Variants in ASPSCR1 observed in about 807,000 individuals in gnomAD.
ASPSCR1 encodes the protein ASPSCR1 tether for SLC2A4, UBX domain containing.
In ASPSCR1, 55 loss-of-function variants were observed where a neutral mutation model predicts 68.9. The observed-to-expected ratio is 0.80, with a 90% CI of 0.64 to 1.00. The LOEUF is 1.00. ASPSCR1 is among the 50% of genes least tolerant of loss of function. ASPSCR1 has a pLI of 0.00. For synonymous variants in ASPSCR1, 352 were observed against 332.6 expected, an observed-to-expected ratio of 1.06 and a Z score of -0.63; for missense variants, 765 against 762.2, an observed-to-expected ratio of 1.00 and a Z score of -0.04.
chr17:81,988,139 ACT>A (rs2042053911), intron 4 of ASPSCR1, among the ~76,000 whole-genome samples: 2 of 141,452 alleles, frequency 1.4e-5, no homozygotes, highest in South Asian at 4.5e-4. Context: ...ACAGAGCGAG[ACT>A]CTGTCTCAAA....
chr17:81,990,353 G>C lies in ASPSCR1; in HGVS notation c.375-4468G>C, dbSNP rs2042120996. Among the ~76,000 whole-genome samples the C allele has an allele frequency of 6.6e-6, 1 of 152,232 alleles. No individual in the cohort carries two copies. Among genetic ancestry groups the C allele is most frequent in the Non-Finnish European group, 1.5e-5 (1 of 68,048 alleles). ...GCTGCAGGGAGGGCGTCAGGAGACA[G>C]AGGCTGCACACTGCTGGCTTCGAGC... On this transcript the variant is annotated intron_variant, in intron 4 of 15. Transcript: ENST00000306739. This position sits in a 1 kb window ranked among gnomAD's most constrained non-coding sequence, Gnocchi z 4.1.
chr17:81,985,343 A>G (rs1179125500), intron 3 of ASPSCR1, among the ~76,000 whole-genome samples, 164 bp from the exon 4 acceptor site: 3 of 152,096 alleles, frequency 2.0e-5, no homozygotes, highest in African/African-American at 7.2e-5. Context: ...CAAGGCCCTC[A>G]CTCCAGAGTG....
At chr17:82,008,815 G>T in intron 7 of ASPSCR1, 1 of 506,982 alleles carries the variant, frequency 2.0e-6, no homozygotes, top group East Asian at 3.5e-5. Flanking sequence ...GGGAGAGGGG[G>T]GTCTCCAGCC....
At chr17:81,985,151 C>G (rs1165099124) in intron 3 of ASPSCR1, among the ~76,000 whole-genome samples, 1 of 149,022 alleles carries the variant, frequency 6.7e-6, no homozygotes, top group Non-Finnish European at 1.5e-5. Context: ...CATCTGCACG[C>G]ACATGCGCAC....
intron 7 of ASPSCR1, among the ~76,000 whole-genome samples, chr17:82,003,859 G>A (rs915425143): frequency 3.3e-5 from 5 of 152,242 alleles, no homozygotes; most frequent in South Asian, 4.1e-4. Flanking sequence ...TGGCCGGGGC[G>A]CTGAGTAACT....
At chr17:81,978,827 C>T (rs933229710) in intron 1 of ASPSCR1, 3 of 340,948 alleles carry the variant, frequency 8.8e-6, no homozygotes, top group Non-Finnish European at 1.7e-5. Flanking sequence ...GTGCCAGAGC[C>T]AGGGGGTAGC....
rs752796536 is a variant in ASPSCR1, at chr17:81,996,655, G to T, written c.742G>T (p.Gly248Trp). 2.8e-5 allele frequency: 45 copies of T among 1,612,774 alleles called. No individual in the cohort carries two copies. In the African/African-American group the frequency reaches 4.9e-4, roughly 18 times the overall value. The change falls in exon 7 of 16, where the codon GGG (glycine) becomes TGG (tryptophan). Residue 248 changes from glycine (G) to tryptophan (W), a missense_variant. Physicochemically the swap from Gly to Trp is radical, Grantham distance 184 (BLOSUM62 -2). Transcript: ENST00000306739. ...TGCCCCCTTTGTTCCTTTCTCGGGT[G>T]GGGGACAGAGACTGGGGGGCCCTCC... ...AAAPFVPFSG[G>W]GQRLGGPPGP...
chr17:82,016,780 G>A lies in ASPSCR1; in HGVS notation c.1406-20G>A, dbSNP rs141323909. 57 of 1,605,778 alleles carry A rather than the reference G, an allele frequency of 3.5e-5. No individual in the cohort carries two copies. The East Asian group carries it at 1.2e-3, about 35-fold the overall frequency. ...GGACCCCTCCTCAGAGGCTCAGGGT[G>A]AGCTTGGGCCTCCCTGCAGGTGTCT... On this transcript the variant is annotated intron_variant, in intron 13 of 15. Transcript: ENST00000306739.
At chr17:81,996,372 G>C in intron 6 of ASPSCR1, 48 bp from the exon 7 acceptor site, 1 of 1,531,486 alleles carries the variant, frequency 6.5e-7, no homozygotes, top group Non-Finnish European at 8.8e-7. Context: ...AGGGTGAGCC[G>C]GGGGTAGGCA....
intron 13 of ASPSCR1, 49 bp downstream of exon 13, chr17:82,016,576 C>T (rs1022422617): frequency 1.3e-6 from 2 of 1,548,084 alleles, no homozygotes; most frequent in Non-Finnish European, 1.7e-6. Context: ...CAGCCTGTCC[C>T]TGGACCTCAG....
At position 82,015,226 on chromosome 17, in the gene ASPSCR1, G is replaced by A. The variant is rs374873070; in HGVS notation, c.1354-1250G>A. ...CTTTTTTGGGGTCCATCCAGAGGCC[G>A]AGCCTCTCCAAGCACTGGTCAGCCT... is the stretch of plus-strand genomic sequence containing the variant. On this transcript the variant is annotated intron_variant, in intron 12 of 15. Transcript: ENST00000306739. 4.2e-5 allele frequency: 67 copies of A among 1,598,166 alleles called. No homozygotes were observed. In the Middle Eastern group the frequency reaches 8.2e-4, roughly 20 times the overall value.
In ASPSCR1 at chr17:82,010,300, T is replaced by A. The variant is rs560584716; in HGVS notation, c.1171-502T>A. On this transcript the variant is annotated intron_variant, in intron 9 of 15. Transcript: ENST00000306739. ...ATCCCAGCACTTTGGGAGGCCAAGG[T>A]GGGCGGATCATGAGGTCAGGAGATC... Among the ~76,000 whole-genome samples the A allele has an allele frequency of 3.3e-5, 5 of 150,078 alleles. No homozygotes were observed. The South Asian group carries it at 1.1e-3, about 32-fold the overall frequency.
In ASPSCR1 at chr17:81,977,778, A is replaced by AGGCG; in HGVS notation, c.102+37_102+40dup. ...GGCCGCCCGCCCGGGGCGGACGGGT[A>AGGCG]GGCGGGCGGGGGGCGCTGCGCCGAG... is the stretch of plus-strand genomic sequence containing the variant. On this transcript the variant is annotated intron_variant, in intron 1 of 15. Coordinates refer to ENST00000306739, the MANE Select transcript of ASPSCR1 (RefSeq NM_024083.4). The surrounding 1 kb of genome is among the most constrained non-coding windows in gnomAD (Gnocchi z 5.0). 1.7e-6 allele frequency: 2 copies of AGGCG among 1,209,916 alleles called. No homozygotes were observed. The highest frequency in any genetic ancestry group is 2.1e-6 in the Non-Finnish European group (2 of 972,768). 74.9% of individuals were successfully genotyped at this position (1,209,916 alleles called of 1,614,324 possible).
In ASPSCR1 at chr17:81,983,862, GT is replaced by G. The variant is rs376475909; in HGVS notation, c.273+207del. Reference sequence around the variant, plus strand: ...TGGCAACTGAAAATGAGCATCTCATGTTTTTTTTTTTTTGAGCTGGAGTCTC... The same window carrying G: ...TGGCAACTGAAAATGAGCATCTCATGTTTTTTTTTTTTGAGCTGGAGTCTC... On this transcript the variant is annotated intron_variant, in intron 3 of 15. Coordinates refer to ENST00000306739, the MANE Select transcript of ASPSCR1 (RefSeq NM_024083.4). The surrounding 1 kb of genome is among the most constrained non-coding windows in gnomAD (Gnocchi z 4.4). Among the ~76,000 whole-genome samples, 870 of 144,872 alleles carry G rather than the reference GT, an allele frequency of 6.0e-3. 8 individuals are homozygous for G. Among genetic ancestry groups the G allele is most frequent in the African/African-American group, 0.019 (772 of 39,748 alleles).
chr17:81,998,691 A>G (rs909631237), intron 7 of ASPSCR1, among the ~76,000 whole-genome samples: 1 of 152,262 alleles, frequency 6.6e-6, no homozygotes, highest in Non-Finnish European at 1.5e-5. Flanking sequence ...GTGTGTTCAT[A>G]AGTGAGACAG....
At position 81,999,165 on chromosome 17, in the gene ASPSCR1, G is replaced by C. The variant is rs895053350; in HGVS notation, c.933+2319G>C. Among the ~76,000 whole-genome samples the C allele has an allele frequency of 2.6e-5, 4 of 152,242 alleles. No homozygotes were observed. Among genetic ancestry groups the C allele is most frequent in the Admixed American group, 1.3e-4 (2 of 15,290 alleles). ...ACTGGGGGACTGTCATGCGGCTTTC[G>C]GTGACAGGGATGGGAGGAGGCTGTT... On this transcript the variant is annotated intron_variant, in intron 7 of 15. Coordinates refer to ENST00000306739, the MANE Select transcript of ASPSCR1 (RefSeq NM_024083.4). This position sits in a 1 kb window ranked among gnomAD's most constrained non-coding sequence, Gnocchi z 4.4.
At chr17:82,003,500 T>C (rs893750214) in intron 7 of ASPSCR1, among the ~76,000 whole-genome samples, 5 of 152,188 alleles carry the variant, frequency 3.3e-5, no homozygotes, top group African/African-American at 1.2e-4. Context: ...TCCCCAGCCA[T>C]GTGGCCACTC....
chr17:81,988,759 A>G (rs528406057), intron 4 of ASPSCR1, among the ~76,000 whole-genome samples: 1 of 152,198 alleles, frequency 6.6e-6, no homozygotes, highest in Admixed American at 6.5e-5. Flanking sequence ...TGTGGGTGTC[A>G]TGTGGGTGTT....
intron 9 of ASPSCR1, among the ~76,000 whole-genome samples, chr17:82,010,427 G>C (rs2042891855): frequency 6.6e-6 from 1 of 151,544 alleles, no homozygotes; most frequent in Non-Finnish European, 1.5e-5. Context: ...TGCTCGGGAG[G>C]CTGAGGCAGG....
Sources: gnomAD v4.1 joint callset for allele counts (sites outside exome capture counted in the v4.1 genomes callset) on GRCh38, gnomAD v4.1.1 for gene constraint, Gnocchi (gnomAD v3.1) non-coding constraint, MANE v1.5 for transcripts, NCBI Gene and HGNC (gene_info 2026-07-23, HGNC 2026-07-21) for gene names.